The following HUNK variants were observed in gnomAD, a reference collection of about 807,000 sequenced individuals.
HUNK encodes hormonally up-regulated Neu-associated kinase.
In HUNK, 21 loss-of-function variants were observed where a neutral mutation model predicts 61.0. The ratio of observed to expected loss-of-function variants is 0.34; its 90% CI spans 0.24 to 0.50. HUNK has a LOEUF of 0.50. Ranked by LOEUF, HUNK falls within the 20% of genes least tolerant of loss-of-function variation. HUNK has a pLI of 0.98. For synonymous variants in HUNK, 371 were observed against 386.1 expected, an observed-to-expected ratio of 0.96 and a Z score of 0.46; for missense variants, 772 against 945.7, an observed-to-expected ratio of 0.82 and a Z score of 2.41.
At chr21:31,985,950 C>T (rs1234234715) in intron 8 of HUNK, among the ~76,000 whole-genome samples, 1 of 152,122 alleles carries the variant, frequency 6.6e-6, no homozygotes, top group East Asian at 1.9e-4. Context: ...TGCCCCCTTC[C>T]TCAAGACAGG....
At position 31,988,314 on chromosome 21, in the gene HUNK, CCAG is replaced by C. The variant is rs1227336084; in HGVS notation, c.1258-1814_1258-1812del. Among the ~76,000 whole-genome samples, 3 of 152,162 alleles carry C rather than the reference CCAG, an allele frequency of 2.0e-5. No homozygotes were observed. The East Asian group carries it at 5.8e-4, about 29-fold the overall frequency. On this transcript the variant is annotated intron_variant, in intron 8 of 10. Transcript: ENST00000270112. ...ATCAAAGCCATTAGAGAGCCCAGGG[CCAG>C]TTTTATTAAAGTCTTTTGAAAAATA...
intron 2 of HUNK, among the ~76,000 whole-genome samples, chr21:31,933,108 G>A (rs2052709646): frequency 6.6e-6 from 1 of 151,508 alleles, no homozygotes; most frequent in Admixed American, 6.6e-5. Context: ...TAGAGACAGG[G>A]TTTCACCATG....
chr21:31,899,797 G>A (rs2123798396), intron 1 of HUNK, among the ~76,000 whole-genome samples: 1 of 148,942 alleles, frequency 6.7e-6, no homozygotes, highest in South Asian at 2.1e-4. Context: ...TTTTTTTTTA[G>A]ACAGAGTTTC....
intron 1 of HUNK, among the ~76,000 whole-genome samples, chr21:31,874,192 C>A (rs868716928): frequency 6.9e-6 from 1 of 145,438 alleles, no homozygotes; most frequent in Non-Finnish European, 1.5e-5. Context: ...CCCGCGCGGC[C>A]GTTCTGCTCG....
intron 1 of HUNK, among the ~76,000 whole-genome samples, chr21:31,891,690 G>A (rs1302021303): frequency 6.6e-6 from 1 of 152,176 alleles, no homozygotes; most frequent in African/African-American, 2.4e-5. Flanking sequence ...TTGTCTCCCA[G>A]GTGATCATTT....
chr21:31,972,225 A>G (rs1244296619), intron 6 of HUNK, among the ~76,000 whole-genome samples: 3 of 152,126 alleles, frequency 2.0e-5, no homozygotes, highest in East Asian at 1.9e-4. Context: ...GTCGCAGGCA[A>G]TACAGGACAG....
At chr21:31,967,653 A>C (rs1267048612) in intron 5 of HUNK, among the ~76,000 whole-genome samples, 4 of 152,156 alleles carry the variant, frequency 2.6e-5, no homozygotes, top group Non-Finnish European at 5.9e-5. Flanking sequence ...GCGGCGGTGC[A>C]GAATGGCTTT....
At chr21:31,972,486 T>C (rs113158374) in intron 6 of HUNK, among the ~76,000 whole-genome samples, 3 of 152,262 alleles carry the variant, frequency 2.0e-5, no homozygotes, top group South Asian at 2.1e-4. Context: ...TTTTTGAAGA[T>C]ACTGGACATA....
Position 32,001,169 on chromosome 21 carries a change from C to T in HUNK, c.*1985C>T, listed in dbSNP as rs182814709. On this transcript the variant is annotated 3_prime_UTR_variant, in exon 11 of 11. Transcript: ENST00000270112. Reference sequence around the variant, plus strand: ...TACGTGCCTGTAGTCCCAGCTACTTCGGGGACTGAGGTGGGAGGATCACTT... The same window carrying T: ...TACGTGCCTGTAGTCCCAGCTACTTTGGGGACTGAGGTGGGAGGATCACTT... 472 of 152,380 alleles carry T rather than the reference C, an allele frequency of 3.1e-3. 1 individual carries two copies. Among genetic ancestry groups the T allele is most frequent in the Middle Eastern group, 6.8e-3 (2 of 292 alleles). The allele number at this position is 152,380 out of a possible 1,614,324, so 9.4% of individuals were successfully genotyped here. A position where few individuals can be genotyped will look rare whatever the true frequency, so the allele number is the denominator to read the frequency against.
At chr21:31,981,759 AG>A (rs1601409198) in intron 7 of HUNK, among the ~76,000 whole-genome samples, 1 of 152,268 alleles carries the variant, frequency 6.6e-6, no homozygotes, top group East Asian at 1.9e-4. Context: ...GTTTTTTGGT[AG>A]TCTTTAGGGT....
chr21:31,876,561 A>G (rs2123784541), intron 1 of HUNK, among the ~76,000 whole-genome samples: 1 of 152,332 alleles, frequency 6.6e-6, no homozygotes, highest in East Asian at 1.9e-4. Context: ...AACTAAGGCC[A>G]AAACAAAGAT....
intron 1 of HUNK, among the ~76,000 whole-genome samples, chr21:31,914,786 C>T (rs1309515595): frequency 1.3e-5 from 2 of 152,212 alleles, no homozygotes; most frequent in African/African-American, 4.8e-5. Flanking sequence ...ATAAGGACAT[C>T]GGTCCTACTG....
At chr21:31,976,953 T>G (rs1370071076) in intron 7 of HUNK, among the ~76,000 whole-genome samples, 5 of 151,934 alleles carry the variant, frequency 3.3e-5, no homozygotes. Flanking sequence ...GTATTTTTGG[T>G]AGAGATGGGG....
chr21:31,901,086 T>A (rs1364451658), intron 1 of HUNK, among the ~76,000 whole-genome samples: 1 of 152,182 alleles, frequency 6.6e-6, no homozygotes, highest in Non-Finnish European at 1.5e-5. Context: ...AGGACGCCAG[T>A]CATATTGGAT....
chr21:31,941,527 G>A (rs959599674), intron 3 of HUNK, among the ~76,000 whole-genome samples: 9 of 152,198 alleles, frequency 5.9e-5, no homozygotes, highest in African/African-American at 2.2e-4. Flanking sequence ...GGCTGGTCTC[G>A]AACTCCTGAT....
intron 1 of HUNK, among the ~76,000 whole-genome samples, chr21:31,884,770 G>A (rs1174262369): frequency 1.3e-5 from 2 of 151,662 alleles, no homozygotes; most frequent in Non-Finnish European, 2.9e-5. Context: ...AGAAAGACAC[G>A]TCTCTTCTTT....
intron 4 of HUNK, among the ~76,000 whole-genome samples, chr21:31,949,873 C>A (rs2052837291): frequency 6.6e-6 from 1 of 152,096 alleles, no homozygotes; most frequent in Non-Finnish European, 1.5e-5. Context: ...GGGGAGGTGC[C>A]AGGCTCTTTG....
intron 2 of HUNK, among the ~76,000 whole-genome samples, chr21:31,936,950 A>G (rs916136163): frequency 6.6e-6 from 1 of 152,080 alleles, no homozygotes; most frequent in African/African-American, 2.4e-5. Flanking sequence ...AGGGGCTTCC[A>G]TTCTTCCCAG....
rs554121934 is a variant in HUNK, at chr21:31,873,890, C to T, written c.216C>T (p.Ser72=). 7 of 1,585,940 alleles carry T rather than the reference C, an allele frequency of 4.4e-6. No individual in the cohort carries two copies. The highest frequency in any genetic ancestry group is 3.4e-6 in the Non-Finnish European group (4 of 1,168,574). Residue 72 remains serine, a synonymous_variant, in exon 1 of 11, where the codon TCC becomes TCT. Transcript: ENST00000270112. This position sits in a 1 kb window ranked among gnomAD's most constrained non-coding sequence, Gnocchi z 6.1. ...LIGSRKLGEG[S]FAKVREGLHV... Reference sequence around the variant, plus strand: ...GCAGCAGGAAGCTGGGCGAGGGCTCCTTTGCCAAGGTGCGCGAGGGGCTGC... The same window carrying T: ...GCAGCAGGAAGCTGGGCGAGGGCTCTTTTGCCAAGGTGCGCGAGGGGCTGC...
Sources: allele counts gnomAD v4.1 joint callset (sites outside exome capture counted in the v4.1 genomes callset), GRCh38; gene constraint gnomAD v4.1.1; non-coding constraint Gnocchi (gnomAD v3.1); transcripts MANE v1.5; gene names NCBI Gene and HGNC (gene_info 2026-07-23, HGNC 2026-07-21).